SH3BGRL2: variants seen among roughly 807,000 people sequenced by gnomAD.
The protein encoded by SH3BGRL2 is SH3 domain binding glutamate rich protein like 2.
SH3BGRL2 carries 21 observed loss-of-function variants against 14.8 expected under a neutral mutation model. The observed-to-expected ratio is 1.42, with a 90% CI of 1.01 to 2.05. The LOEUF is 2.05. Among genes scored for constraint, SH3BGRL2 ranks in the 30% most tolerant of loss-of-function variants. The pLI is 0.00. For synonymous variants in SH3BGRL2, 50 were observed against 47.8 expected, an observed-to-expected ratio of 1.05 and a Z score of -0.19; for missense variants, 147 against 130.8, an observed-to-expected ratio of 1.12 and a Z score of -0.61.
At chr6:79,562,915 T>C in the SH3BGRL2 span, among the ~76,000 whole-genome samples, 2 of 152,202 alleles carry the variant, frequency 1.3e-5, no homozygotes, top group South Asian at 4.1e-4. Context: ...TGCAGCCTAC[T>C]GGCTGTGGGT....
chr6:79,663,652 G>C (rs540585057), intron 1 of SH3BGRL2, among the ~76,000 whole-genome samples: 2 of 152,198 alleles, frequency 1.3e-5, no homozygotes, highest in African/African-American at 2.4e-5. Flanking sequence ...CAGTCTGTCC[G>C]TTCTCAGAGC....
the SH3BGRL2 span, chr6:79,561,495 C>G: frequency 6.6e-6 from 1 of 152,152 alleles, no homozygotes; most frequent in South Asian, 2.1e-4. Context: ...AAAAGTAGTA[C>G]TACTAAGTAT....
chr6:79,549,355 A>T, the SH3BGRL2 span, among the ~76,000 whole-genome samples: 1,087 of 152,352 alleles, frequency 7.1e-3, 14 homozygotes, highest in African/African-American at 0.024. Flanking sequence ...TGCAAAGGCC[A>T]GTTCAAGATG....
At chr6:79,552,675 A>G in the SH3BGRL2 span, 3 of 152,098 alleles carry the variant, frequency 2.0e-5, no homozygotes, top group Non-Finnish European at 4.4e-5. Flanking sequence ...GGGGCTTAGG[A>G]CTTTATTTTT....
the SH3BGRL2 span, among the ~76,000 whole-genome samples, chr6:79,569,294 A>T: frequency 6.6e-6 from 1 of 152,192 alleles, no homozygotes; most frequent in Non-Finnish European, 1.5e-5. Flanking sequence ...GTTGTGGAGA[A>T]CAAGGTTCTT....
At chr6:79,690,855 C>G (rs779005255) in intron 2 of SH3BGRL2, among the ~76,000 whole-genome samples, 7 of 152,136 alleles carry the variant, frequency 4.6e-5, no homozygotes, top group Non-Finnish European at 1.0e-4. Context: ...AGTTCAAGAT[C>G]AGCCTGGGCA....
intron 2 of SH3BGRL2, among the ~76,000 whole-genome samples, chr6:79,680,235 C>T (rs1769962818): frequency 6.6e-6 from 1 of 152,112 alleles, no homozygotes; most frequent in African/African-American, 2.4e-5. Context: ...TTTGTGTCTT[C>T]AATCCGTTTC....
Position 79,696,480 on chromosome 6 carries a change from T to C in SH3BGRL2, c.232-5T>C. 1.9e-6 allele frequency: 3 copies of C among 1,567,774 alleles called. No homozygotes were observed. Among genetic ancestry groups the C allele is most frequent in the Non-Finnish European group, 2.6e-6 (3 of 1,165,158 alleles). On this transcript the variant is annotated splice_region_variant and splice_polypyrimidine_tract_variant and intron_variant, in intron 2 of 3. Transcript: ENST00000369838. ...GGTTTATTTTCTGCTTCCCTTTTTT[T>C]CTAGGATTATGACAGTTTTTTTGAA...
chr6:79,630,364 GA>G (rs1373911700), upstream of SH3BGRL2, among the ~76,000 whole-genome samples: 8 of 152,218 alleles, frequency 5.3e-5, no homozygotes, highest in Admixed American at 3.3e-4. Context: ...GTGTTGAAAG[GA>G]AAAAAGTAAA....
chr6:79,545,019 G>A, the SH3BGRL2 span, among the ~76,000 whole-genome samples: 7 of 152,128 alleles, frequency 4.6e-5, 1 homozygote, highest in South Asian at 6.2e-4. Flanking sequence ...GCAGTGTCTC[G>A]GTCTCCCTCT....
At chr6:79,664,104 C>T (rs1458866390) in intron 1 of SH3BGRL2, among the ~76,000 whole-genome samples, 1 of 152,190 alleles carries the variant, frequency 6.6e-6, no homozygotes, top group African/African-American at 2.4e-5. Flanking sequence ...AGGGAAATCC[C>T]CCAACCCCTG....
intron 1 of SH3BGRL2, among the ~76,000 whole-genome samples, chr6:79,653,075 C>G (rs574826677): frequency 6.6e-6 from 1 of 152,270 alleles, no homozygotes; most frequent in Admixed American, 6.5e-5. Context: ...ATCACAGATG[C>G]ATGTCTGAGT....
the SH3BGRL2 span, among the ~76,000 whole-genome samples, chr6:79,618,303 T>A: frequency 7.2e-5 from 11 of 152,230 alleles, 1 homozygote; most frequent in Non-Finnish European, 2.9e-5. Flanking sequence ...TCAATTTTTA[T>A]AATCAGTTGC....
chr6:79,642,882 A>G (rs756757977), intron 1 of SH3BGRL2, among the ~76,000 whole-genome samples: 28 of 152,274 alleles, frequency 1.8e-4, no homozygotes, highest in Non-Finnish European at 3.4e-4. Context: ...GTGAATCTGA[A>G]CACTGTGAAT....
At chr6:79,575,037 A>T in the SH3BGRL2 span, 1 of 152,218 alleles carries the variant, frequency 6.6e-6, no homozygotes, top group African/African-American at 2.4e-5. Context: ...TCCCTGAAGG[A>T]GTATGATGTC....
In SH3BGRL2 at chr6:79,680,641, TG is replaced by T. The variant is rs570007233; in HGVS notation, c.231+6843del. 8.5e-4 allele frequency among the ~76,000 whole-genome samples: 129 copies of T among 152,268 alleles called. 1 individual carries two copies. The Middle Eastern group carries it at 0.044, about 52-fold the overall frequency. Reference sequence around the variant, plus strand: ...GCTGTTGAAATTTTAATAGGGATCATGTTGAATCTGTAGATTGCTTTGGGTA... The same window carrying T: ...GCTGTTGAAATTTTAATAGGGATCATTTGAATCTGTAGATTGCTTTGGGTA... On this transcript the variant is annotated intron_variant, in intron 2 of 3. Coordinates refer to ENST00000369838, the MANE Select transcript of SH3BGRL2 (RefSeq NM_031469.4).
At chr6:79,538,550 G>T in the SH3BGRL2 span, among the ~76,000 whole-genome samples, 3 of 152,164 alleles carry the variant, frequency 2.0e-5, no homozygotes, top group Non-Finnish European at 4.4e-5. Flanking sequence ...AAATTGCACG[G>T]AATTACTTTT....
chr6:79,555,105 C>G, the SH3BGRL2 span, among the ~76,000 whole-genome samples: 1 of 152,056 alleles, frequency 6.6e-6, no homozygotes, highest in Admixed American at 6.5e-5. Flanking sequence ...TCATCCCAAA[C>G]TGATTTATAG....
the SH3BGRL2 span, among the ~76,000 whole-genome samples, chr6:79,573,315 T>C: frequency 1.3e-5 from 2 of 152,216 alleles, no homozygotes; most frequent in Non-Finnish European, 2.9e-5. Context: ...CGGGCCTGGA[T>C]CTGTTTCTGG....
Sources: gnomAD v4.1 joint callset for allele counts (sites outside exome capture counted in the v4.1 genomes callset) on GRCh38, gnomAD v4.1.1 for gene constraint, MANE v1.5 for transcripts, NCBI Gene and HGNC (gene_info 2026-07-23, HGNC 2026-07-21) for gene names.